KBTBD12: variants seen among roughly 807,000 people sequenced by gnomAD.
KBTBD12 encodes the protein kelch repeat and BTB domain containing 12.
KBTBD12 carries 53 observed loss-of-function variants against 58.7 expected under a neutral mutation model. The ratio of observed to expected loss-of-function variants is 0.90; its 90% CI spans 0.72 to 1.14. The LOEUF (loss-of-function observed/expected upper bound fraction) is 1.14, where lower values mean the gene tolerates loss of function less well. Among genes scored for constraint, KBTBD12 ranks in the 50% most tolerant of loss-of-function variants. The probability of loss-of-function intolerance (pLI) is 0.00; values close to 1 mark genes in which losing one functional copy is unlikely to be tolerated. For synonymous variants in KBTBD12, 236 were observed against 259.8 expected (o/e 0.91, Z 0.88); for missense variants, 704 against 751.3 (o/e 0.94, Z 0.74).
chr3:127,950,065 G>A (rs898492329), intron 4 of KBTBD12, among the ~76,000 whole-genome samples: 19 of 152,134 alleles, frequency 1.2e-4, no homozygotes, highest in African/African-American at 4.3e-4. Flanking sequence ...GACCCACTGG[G>A]TTTGAATAAG....
At chr3:127,950,001 A>G (rs1450604311) in intron 4 of KBTBD12, among the ~76,000 whole-genome samples, 1 of 152,130 alleles carries the variant, frequency 6.6e-6, no homozygotes, top group Non-Finnish European at 1.5e-5. Flanking sequence ...TCTTGTCTGC[A>G]TTTTCTTTGT....
chr3:127,964,500 G>A (rs1364502659), intron 5 of KBTBD12, among the ~76,000 whole-genome samples: 3 of 151,692 alleles, frequency 2.0e-5, no homozygotes, highest in African/African-American at 4.8e-5. Flanking sequence ...AAATTAGCTG[G>A]GTGTGGTGGT....
intron 4 of KBTBD12, among the ~76,000 whole-genome samples, chr3:127,960,609 A>C (rs1559771149): frequency 6.6e-6 from 1 of 152,224 alleles, no homozygotes; most frequent in African/African-American, 2.4e-5. Context: ...TCATGCTTTC[A>C]TTTGATTATT....
At chr3:127,967,554 A>G (rs138401279) in intron 5 of KBTBD12, among the ~76,000 whole-genome samples, 19 of 152,312 alleles carry the variant, frequency 1.2e-4, no homozygotes, top group African/African-American at 4.3e-4. Flanking sequence ...TTCATCTGAC[A>G]AAGCAAGAGG....
intron 4 of KBTBD12, among the ~76,000 whole-genome samples, chr3:127,949,703 T>C (rs1940164242): frequency 6.6e-6 from 1 of 152,176 alleles, no homozygotes; most frequent in Non-Finnish European, 1.5e-5. Flanking sequence ...AAAATCCAAG[T>C]TGCGAAACAG....
At chr3:127,970,224 T>A (rs1405376230) in intron 5 of KBTBD12, among the ~76,000 whole-genome samples, 2 of 152,120 alleles carry the variant, frequency 1.3e-5, no homozygotes, top group African/African-American at 4.8e-5. Context: ...TAAACCATGA[T>A]GAGATACACT....
Position 127,927,830 on chromosome 3 carries a change from T to G in KBTBD12, c.1137T>G (p.Ala379=), listed in dbSNP as rs778164290. The change falls in exon 3 of 6, where the codon GCT becomes GCG. Residue 379 remains alanine, a synonymous_variant. Transcript: ENST00000405109. ...CAGCTGAATTTCGAGAACTCTATGC[T>G]CTGGGCAGTATTCATAATGACCTTT... ...LCTAEFRELY[A]LGSIHNDLYV... is the part of the protein sequence containing the mutation. 9.9e-6 allele frequency: 16 copies of G among 1,609,612 alleles called. No individual in the cohort carries two copies. In the Admixed American group the frequency reaches 2.0e-4, roughly 20 times the overall value.
intron 5 of KBTBD12, among the ~76,000 whole-genome samples, chr3:127,980,408 C>T (rs1183069429): frequency 6.6e-6 from 1 of 152,202 alleles, no homozygotes; most frequent in East Asian, 1.9e-4. Context: ...CAGCTCATTG[C>T]AACCTCTACC....
chr3:127,972,350 G>A (rs977775265), intron 5 of KBTBD12, among the ~76,000 whole-genome samples: 9 of 152,118 alleles, frequency 5.9e-5, no homozygotes, highest in Non-Finnish European at 1.2e-4. Context: ...AGAATATTTG[G>A]TTATGGGGCC....
Position 127,927,921 on chromosome 3 carries a change from T to C in KBTBD12, c.1228T>C (p.Ser410Pro), listed in dbSNP as rs1346184747. The change falls in exon 3 of 6, where the codon TCT becomes CCT. Residue 410 changes from serine to proline, a missense_variant. Physicochemically the swap from Ser to Pro is moderately conservative, Grantham distance 74. Coordinates refer to ENST00000405109, the MANE Select transcript of KBTBD12 (RefSeq NM_207335.4). ...YLITNCVDKY[S>P]VERDNWKRVS... ...TATTACAAACTGTGTTGATAAGTAC[T>C]CTGTAGAACGGGACAATTGGAAAAG... 6.2e-7 allele frequency: 1 copy of C among 1,613,452 alleles called. No individual in the cohort carries two copies. Among genetic ancestry groups the C allele is most frequent in the Non-Finnish European group, 8.5e-7 (1 of 1,179,630 alleles).
chr3:127,966,767 G>A (rs529898717), intron 5 of KBTBD12, among the ~76,000 whole-genome samples: 3 of 152,162 alleles, frequency 2.0e-5, no homozygotes, highest in East Asian at 3.9e-4. Context: ...CAAATGCCAA[G>A]GACAAAGGAT....
intron 4 of KBTBD12, among the ~76,000 whole-genome samples, chr3:127,944,580 C>G (rs1158510033): frequency 6.6e-6 from 1 of 152,118 alleles, no homozygotes; most frequent in Non-Finnish European, 1.5e-5. Flanking sequence ...TTTGTGGAAT[C>G]TTTAGGCTTG....
intron 1 of KBTBD12, among the ~76,000 whole-genome samples, chr3:127,921,777 A>C (rs1290176333): frequency 6.6e-6 from 1 of 152,184 alleles, no homozygotes; most frequent in East Asian, 1.9e-4. Flanking sequence ...AACTGCATCC[A>C]AGCAAAATAT....
At chr3:127,939,410 G>A (rs1435946989) in intron 4 of KBTBD12, among the ~76,000 whole-genome samples, 1 of 150,596 alleles carries the variant, frequency 6.6e-6, no homozygotes, top group Non-Finnish European at 1.5e-5. Flanking sequence ...GAAAATACCA[G>A]GGAGATCTCA....
chr3:127,950,677 T>C (rs1940183670), intron 4 of KBTBD12, among the ~76,000 whole-genome samples: 1 of 152,014 alleles, frequency 6.6e-6, no homozygotes, highest in South Asian at 2.1e-4. Context: ...ACTATGCATA[T>C]AGTTAAGTGC....
intron 1 of KBTBD12, among the ~76,000 whole-genome samples, chr3:127,916,659 C>T (rs59658795): frequency 0.057 from 8,509 of 148,640 alleles, 272 homozygotes; most frequent in East Asian, 0.099. Context: ...TGGAATATTT[C>T]AGCTTAGCAT....
intron 5 of KBTBD12, among the ~76,000 whole-genome samples, chr3:127,973,662 G>A (rs978402512): frequency 2.6e-5 from 4 of 152,160 alleles, no homozygotes; most frequent in Admixed American, 6.5e-5. Context: ...GTGTGTGTAT[G>A]GGGTGGGGAC....
chr3:127,918,419 G>A (rs1939308546), intron 1 of KBTBD12, among the ~76,000 whole-genome samples: 1 of 152,158 alleles, frequency 6.6e-6, no homozygotes, highest in African/African-American at 2.4e-5. Context: ...TGTAAAGACA[G>A]AACAGCATGT....
chr3:127,984,143 G>C lies in KBTBD12; in HGVS notation c.1737G>C (p.Trp579Cys). ...ISKEILELDP[W>C]ENQWNVVAIN... Reference sequence around the variant, plus strand: ...AAGAAATATTGGAACTGGACCCATGGGAAAACCAGTGGAATGTTGTAGCCA... The same window carrying C: ...AAGAAATATTGGAACTGGACCCATGCGAAAACCAGTGGAATGTTGTAGCCA... Residue 579 changes from tryptophan (W) to cysteine (C), a missense_variant, in exon 6 of 6, where the codon TGG becomes TGC. By Grantham distance (215) the Trp-to-Cys change is radical (BLOSUM62 -2). Transcript: ENST00000405109. The C allele has an allele frequency of 6.2e-7, 1 of 1,613,940 alleles. No individual in the cohort carries two copies.
Sources: gnomAD v4.1 joint callset for allele counts (sites outside exome capture counted in the v4.1 genomes callset) on GRCh38, gnomAD v4.1.1 for gene constraint, MANE v1.5 for transcripts, NCBI Gene and HGNC (gene_info 2026-07-23, HGNC 2026-07-21) for gene names.